Variants in BAZ2B observed in about 807,000 individuals in gnomAD.
BAZ2B encodes the protein bromodomain adjacent to zinc finger domain 2B.
Under a neutral mutation model 246.0 loss-of-function variants are expected in BAZ2B, and 91 were observed. That is an observed-to-expected ratio of 0.37 (90% CI 0.31 to 0.44). The LOEUF is 0.44. BAZ2B is among the 20% of genes least tolerant of loss of function. The pLI is 1.00. For synonymous variants in BAZ2B, 855 were observed against 860.0 expected (o/e 0.99, Z 0.10); for missense variants, 2,332 against 2,533.7 (o/e 0.92, Z 1.71).
chr2:159,575,038 G>A (rs1002716566), intron 1 of BAZ2B, among the ~76,000 whole-genome samples: 1 of 152,012 alleles, frequency 6.6e-6, no homozygotes, highest in Non-Finnish European at 1.5e-5. Context: ...CTGCAACAAG[G>A]ATGAACTTGG....
chr2:159,419,175 C>T (rs533449976), intron 13 of BAZ2B, among the ~76,000 whole-genome samples: 304 of 152,148 alleles, frequency 2.0e-3, no homozygotes, highest in Non-Finnish European at 3.5e-3. Context: ...CACCTAAAAG[C>T]AAATTGATCT....
chr2:159,666,935 G>A, the BAZ2B span, among the ~76,000 whole-genome samples: 1 of 151,938 alleles, frequency 6.6e-6, no homozygotes, highest in East Asian at 1.9e-4. Flanking sequence ...GTTGGGGGTG[G>A]GGGGCAAGGG....
At chr2:159,633,718 C>T in the BAZ2B span, among the ~76,000 whole-genome samples, 3 of 150,390 alleles carry the variant, frequency 2.0e-5, no homozygotes, top group African/African-American at 7.3e-5. Flanking sequence ...TATTCACTGC[C>T]CATTTATTTT....
chr2:159,550,846 AT>A (rs973808622), intron 2 of BAZ2B, among the ~76,000 whole-genome samples: 23 of 151,694 alleles, frequency 1.5e-4, no homozygotes, highest in Non-Finnish European at 2.4e-4. Flanking sequence ...AGAAAAAAAA[AT>A]TTTTTTGAGG....
intron 31 of BAZ2B, among the ~76,000 whole-genome samples, chr2:159,340,344 G>A (rs1363713903): frequency 1.3e-5 from 2 of 151,796 alleles, no homozygotes; most frequent in Admixed American, 1.3e-4. Context: ...GAAGAGAAGG[G>A]AAAGGTGAGG....
chr2:159,617,194 C>A (rs1364470496), upstream of BAZ2B: 8 of 151,986 alleles, frequency 5.3e-5, no homozygotes, highest in Non-Finnish European at 4.4e-5. Context: ...AGGCACTGAA[C>A]ACTTTTTAAA....
chr2:159,667,756 G>A, the BAZ2B span, among the ~76,000 whole-genome samples: 10 of 151,760 alleles, frequency 6.6e-5, no homozygotes, highest in African/African-American at 1.7e-4. Flanking sequence ...ATTGGTCCAC[G>A]GGCTTTTCAT....
intron 13 of BAZ2B, among the ~76,000 whole-genome samples, chr2:159,415,483 A>G (rs1257495468): frequency 6.6e-6 from 1 of 151,602 alleles, no homozygotes; most frequent in African/African-American, 2.4e-5. Flanking sequence ...ACATAAATAC[A>G]TGTATCCTGC....
At chr2:159,483,930 T>G (rs1218568692) in intron 2 of BAZ2B, among the ~76,000 whole-genome samples, 4 of 151,842 alleles carry the variant, frequency 2.6e-5, no homozygotes, top group Non-Finnish European at 5.9e-5. Context: ...GGGAGAAATA[T>G]GTGCAAAAGA....
intron 11 of BAZ2B, among the ~76,000 whole-genome samples, chr2:159,428,823 G>C (rs1018982079): frequency 6.6e-6 from 1 of 152,094 alleles, no homozygotes; most frequent in African/African-American, 2.4e-5. Context: ...AACCATTTTA[G>C]CCAAACTCTG....
At chr2:159,539,662 G>A (rs2086419797) in intron 2 of BAZ2B, among the ~76,000 whole-genome samples, 1 of 152,174 alleles carries the variant, frequency 6.6e-6, no homozygotes, top group Non-Finnish European at 1.5e-5. Context: ...GACTGCTTGA[G>A]CCCAGGAGTT....
intron 25 of BAZ2B, among the ~76,000 whole-genome samples, chr2:159,378,871 T>G (rs56693493): frequency 0.15 from 23,101 of 152,066 alleles, 2,428 homozygotes; most frequent in African/African-American, 0.3. Context: ...TGTGGGATTG[T>G]AAAATAGTGT....
intron 13 of BAZ2B, among the ~76,000 whole-genome samples, chr2:159,420,414 G>C (rs746551523): frequency 6.6e-6 from 1 of 151,964 alleles, no homozygotes; most frequent in Non-Finnish European, 1.5e-5. Flanking sequence ...GCAACATCTC[G>C]AAGAAAAAAA....
chr2:159,485,430 A>G (rs1446671921), intron 2 of BAZ2B, among the ~76,000 whole-genome samples: 1 of 152,160 alleles, frequency 6.6e-6, no homozygotes, highest in Non-Finnish European at 1.5e-5. Context: ...CAAAGAATTA[A>G]GTATGGTATA....
At chr2:159,351,720 AT>A (rs2058588055) in intron 27 of BAZ2B, among the ~76,000 whole-genome samples, 1 of 152,170 alleles carries the variant, frequency 6.6e-6, no homozygotes, top group Non-Finnish European at 1.5e-5. Flanking sequence ...TCATAGGTTT[AT>A]TGGTATTTCT....
At chr2:159,693,766 T>C in the BAZ2B span, 1 of 152,064 alleles carries the variant, frequency 6.6e-6, no homozygotes, top group African/African-American at 2.4e-5. Context: ...TGGAGTACCG[T>C]GACTATTCAC....
chr2:159,349,958 T>C lies in BAZ2B; in HGVS notation c.4613A>G (p.Lys1538Arg). The C allele has an allele frequency of 6.2e-7, 1 of 1,614,202 alleles. No homozygotes were observed. Among genetic ancestry groups the C allele is most frequent in the Non-Finnish European group, 8.5e-7 (1 of 1,180,012 alleles). Reference sequence around the variant, plus strand: ...GTCATTGGGGAGAGGACTGTAGAACTTCCCTGGACCACTTGAACCAGTATT... The same window carrying C: ...GTCATTGGGGAGAGGACTGTAGAACCTCCCTGGACCACTTGAACCAGTATT... ...LFNTGSSGPG[K>R]FYSPLPNDQL... The change falls in exon 28 of 37, where the codon AAG (lysine) becomes AGG (arginine). Residue 1538 changes from lysine (K) to arginine (R), a missense_variant. By Grantham distance (26) the Lys-to-Arg change is conservative. Coordinates refer to ENST00000392783, the MANE Select transcript of BAZ2B (RefSeq NM_013450.4).
At chr2:159,545,867 C>A (rs1396131914) in intron 2 of BAZ2B, among the ~76,000 whole-genome samples, 1 of 152,170 alleles carries the variant, frequency 6.6e-6, no homozygotes, top group African/African-American at 2.4e-5. Context: ...ACACCCTCCA[C>A]CGACTGACTT....
At chr2:159,405,987 A>G (rs13395793) in intron 14 of BAZ2B, among the ~76,000 whole-genome samples, 46,032 of 152,122 alleles carry the variant, frequency 0.3, 7,270 homozygotes, top group South Asian at 0.46. Context: ...TGACTTTTAA[A>G]GACAACCTAG....
Sources: allele counts gnomAD v4.1 joint callset (sites outside exome capture counted in the v4.1 genomes callset), GRCh38; gene constraint gnomAD v4.1.1; transcripts MANE v1.5; gene names NCBI Gene and HGNC (gene_info 2026-07-23, HGNC 2026-07-21).